Variants in UBL3 observed in about 807,000 individuals in gnomAD.
UBL3 encodes ubiquitin like 3.
Under a neutral mutation model 18.4 loss-of-function variants are expected in UBL3, and 6 were observed. The ratio of observed to expected loss-of-function variants is 0.33; its 90% CI spans 0.18 to 0.64. The LOEUF is 0.64. Ranked by LOEUF, UBL3 falls within the 30% of genes least tolerant of loss-of-function variation. The pLI is 0.76. For missense variants in UBL3, 109 were observed against 142.9 expected, an observed-to-expected ratio of 0.76 and a Z score of 1.21; for synonymous variants, 49 against 46.6, an observed-to-expected ratio of 1.05 and a Z score of -0.21.
intron 1 of UBL3, among the ~76,000 whole-genome samples, chr13:29,839,408 T>C (rs1047034339): frequency 1.3e-5 from 2 of 152,162 alleles, no homozygotes; most frequent in African/African-American, 2.4e-5. Flanking sequence ...AAAAATAATA[T>C]ACAACAAACT....
chr13:29,849,505 CACTT>C lies in UBL3; in HGVS notation c.27+3_27+6del, dbSNP rs1479754595. ...TAAATCAGTGTCATAACTTATCCGT[CACTT>C]ACCATATCCGCCGGGACATTACTGG... On this transcript the variant is annotated splice_donor_5th_base_variant and intron_variant, in intron 1 of 4. Coordinates refer to ENST00000380680, the MANE Select transcript of UBL3 (RefSeq NM_007106.4). 6.2e-7 allele frequency: 1 copy of C among 1,614,112 alleles called. No individual in the cohort carries two copies. The highest frequency in any genetic ancestry group is 8.5e-7 in the Non-Finnish European group (1 of 1,180,040).
intron 1 of UBL3, among the ~76,000 whole-genome samples, chr13:29,797,070 T>C (rs1877631927): frequency 6.6e-6 from 1 of 152,136 alleles, no homozygotes; most frequent in South Asian, 2.1e-4. Context: ...AATTAATTAT[T>C]TATAAATTAG....
At chr13:29,836,155 G>C (rs1013563320) in intron 1 of UBL3, among the ~76,000 whole-genome samples, 1 of 152,082 alleles carries the variant, frequency 6.6e-6, no homozygotes, top group Non-Finnish European at 1.5e-5. Context: ...GATATACTTT[G>C]AAAGTGACTG....
intron 1 of UBL3, among the ~76,000 whole-genome samples, chr13:29,837,129 G>T (rs1187722355): frequency 1.3e-5 from 2 of 152,182 alleles, no homozygotes; most frequent in Admixed American, 6.5e-5. Context: ...AATCCTATAC[G>T]GAGAAACATA....
intron 1 of UBL3, among the ~76,000 whole-genome samples, chr13:29,797,800 A>T (rs754120220): frequency 3.9e-5 from 6 of 152,082 alleles, no homozygotes; most frequent in Non-Finnish European, 8.8e-5. Flanking sequence ...TCAGTTATTA[A>T]TACTTCCTTC....
chr13:29,835,150 ATAT>A (rs1878919748), intron 1 of UBL3, among the ~76,000 whole-genome samples: 5 of 26,522 alleles, frequency 1.9e-4, no homozygotes, highest in East Asian at 1.4e-3. Context: ...ATATATATAT[ATAT>A]ATATATATAT....
At chr13:29,805,989 A>G (rs1383389242) in intron 1 of UBL3, among the ~76,000 whole-genome samples, 1 of 152,200 alleles carries the variant, frequency 6.6e-6, no homozygotes, top group Non-Finnish European at 1.5e-5. Flanking sequence ...CAGCCTGGCC[A>G]ACACAGTAAA....
At chr13:29,828,692 C>T (rs562230876) in intron 1 of UBL3, among the ~76,000 whole-genome samples, 11 of 152,358 alleles carry the variant, frequency 7.2e-5, no homozygotes, top group Middle Eastern at 3.4e-3. Flanking sequence ...AGTCATTCTC[C>T]GTCCAGCTTT....
chr13:29,783,378 T>C (rs1281426307), intron 1 of UBL3, among the ~76,000 whole-genome samples: 3 of 152,254 alleles, frequency 2.0e-5, no homozygotes, highest in East Asian at 3.8e-4. Context: ...ATTGGGCCTA[T>C]GCTTATATCT....
At chr13:29,769,082 T>C (rs1011946237) in intron 3 of UBL3, among the ~76,000 whole-genome samples, 3 of 152,122 alleles carry the variant, frequency 2.0e-5, no homozygotes, top group Non-Finnish European at 4.4e-5. Context: ...CCTTTGTAGC[T>C]GTGTCCATTA....
intron 1 of UBL3, among the ~76,000 whole-genome samples, chr13:29,812,592 T>C (rs1878122201): frequency 6.6e-6 from 1 of 152,080 alleles, no homozygotes; most frequent in African/African-American, 2.4e-5. Context: ...CAGTAGCTAC[T>C]GGCCATATAC....
chr13:29,828,469 G>A lies in UBL3; in HGVS notation c.27+21043C>T, dbSNP rs140714727. Among the ~76,000 whole-genome samples, 64 of 152,134 alleles carry A rather than the reference G, an allele frequency of 4.2e-4. No homozygotes were observed. The East Asian group carries it at 0.011, about 26-fold the overall frequency. On this transcript the variant is annotated intron_variant, in intron 1 of 4. Coordinates refer to ENST00000380680, the MANE Select transcript of UBL3 (RefSeq NM_007106.4). ...ACCCTTTCTTCCAGCTGATCGAATCGGCTACTGAGGCTTGTGCATTTGTCA... is the reference window on the plus strand; with the variant it reads ...ACCCTTTCTTCCAGCTGATCGAATCAGCTACTGAGGCTTGTGCATTTGTCA...
chr13:29,835,153 T>TATATATATATATATATAA (rs1878921853), intron 1 of UBL3, among the ~76,000 whole-genome samples: 17 of 30,494 alleles, frequency 5.6e-4, no homozygotes, highest in Non-Finnish European at 9.5e-4. Context: ...TATATATATA[T>TATATATATATATATATAA]ATATATATAT....
chr13:29,795,901 C>A (rs1327380317), intron 1 of UBL3, among the ~76,000 whole-genome samples: 1 of 151,196 alleles, frequency 6.6e-6, no homozygotes, highest in Non-Finnish European at 1.5e-5. Context: ...CACTGCACTA[C>A]AGCCTGGGTG....
At chr13:29,830,706 T>C (rs913295532) in intron 1 of UBL3, among the ~76,000 whole-genome samples, 6 of 152,230 alleles carry the variant, frequency 3.9e-5, no homozygotes, top group Admixed American at 6.5e-5. Context: ...GTCCTGATTA[T>C]ATGCAGTAGC....
intron 1 of UBL3, among the ~76,000 whole-genome samples, chr13:29,833,262 TA>T (rs1340266787): frequency 7.2e-5 from 11 of 152,244 alleles, no homozygotes; most frequent in Non-Finnish European, 1.2e-4. Context: ...ATGACTAAAA[TA>T]AAAAGACGTC....
intron 1 of UBL3, among the ~76,000 whole-genome samples, chr13:29,812,569 G>A (rs926143512): frequency 2.6e-5 from 4 of 151,958 alleles, no homozygotes; most frequent in Non-Finnish European, 5.9e-5. Context: ...CTCTAGAATT[G>A]CACTATTCCA....
intron 3 of UBL3, among the ~76,000 whole-genome samples, chr13:29,770,458 G>A (rs1182371667): frequency 1.3e-5 from 2 of 152,030 alleles, no homozygotes; most frequent in Non-Finnish European, 2.9e-5. Context: ...TTATACTTTA[G>A]TGGGAATAAA....
chr13:29,780,425 T>G (rs1565990217), intron 1 of UBL3, among the ~76,000 whole-genome samples: 1 of 136,290 alleles, frequency 7.3e-6, no homozygotes, highest in Non-Finnish European at 1.5e-5. Context: ...TATAATAAGT[T>G]ATATATATAT....
Sources: allele counts gnomAD v4.1 joint callset (sites outside exome capture counted in the v4.1 genomes callset), GRCh38; gene constraint gnomAD v4.1.1; transcripts MANE v1.5; gene names NCBI Gene and HGNC (gene_info 2026-07-23, HGNC 2026-07-21).